CARNMT1: variants seen among roughly 807,000 people sequenced by gnomAD.
The protein encoded by CARNMT1 is carnosine N-methyltransferase 1.
A neutral mutation model predicts 49.6 loss-of-function variants in CARNMT1; 28 were observed. That is an observed-to-expected ratio of 0.56 (90% CI 0.42 to 0.77). The LOEUF (loss-of-function observed/expected upper bound fraction) is 0.77. Ranked by LOEUF, CARNMT1 falls within the 30% of genes least tolerant of loss-of-function variation. The pLI, the probability that CARNMT1 is intolerant of heterozygous loss-of-function variation, is 0.00. For synonymous variants in CARNMT1, 178 were observed against 175.0 expected (o/e 1.02, Z -0.13); for missense variants, 421 against 512.6 (o/e 0.82, Z 1.73).
At chr9:74,993,260 C>A (rs1041830911) in intron 6 of CARNMT1, among the ~76,000 whole-genome samples, 2 of 152,050 alleles carry the variant, frequency 1.3e-5, no homozygotes, top group African/African-American at 4.8e-5. Context: ...TAACCCAACC[C>A]GAAAGGATCA....
intron 3 of CARNMT1, among the ~76,000 whole-genome samples, chr9:75,003,542 T>A (rs1429110375): frequency 2.0e-5 from 3 of 152,260 alleles, no homozygotes; most frequent in Non-Finnish European, 4.4e-5. Context: ...GTTTGGCACT[T>A]CAAGAAAACA....
At chr9:75,005,533 C>T (rs145796639) in intron 3 of CARNMT1, among the ~76,000 whole-genome samples, 7,179 of 147,744 alleles carry the variant, frequency 0.049, 227 homozygotes, top group Middle Eastern at 0.099. Flanking sequence ...AGTGCAGTGG[C>T]GCAATCTCGG....
Position 75,025,558 on chromosome 9 carries a change from A to G in CARNMT1, c.230+2454T>C, listed in dbSNP as rs180959654. ...ATTTGTGTATATTTTATGGTAGTAA[A>G]TGATAAACTAGTATCTACACATATG... On this transcript the variant is annotated intron_variant, in intron 1 of 7. Coordinates refer to ENST00000376834, the MANE Select transcript of CARNMT1 (RefSeq NM_152420.3). Among the ~76,000 whole-genome samples the G allele has an allele frequency of 6.9e-3, 1,051 of 152,284 alleles. 12 individuals are homozygous for G. The highest frequency in any genetic ancestry group is 0.024 in the African/African-American group (992 of 41,534).
At position 74,981,437 on chromosome 9, in the gene CARNMT1, A is replaced by G. The variant is rs2118734998; in HGVS notation, c.*2330T>C. On this transcript the variant is annotated 3_prime_UTR_variant, in exon 8 of 8. Coordinates refer to ENST00000376834, the MANE Select transcript of CARNMT1 (RefSeq NM_152420.3). Reference sequence around the variant, plus strand: ...TTTAGTAGCTAGGACTAAAATTAAGAAATACAAAGCTAAATAAATCCTCCA... The same window carrying G: ...TTTAGTAGCTAGGACTAAAATTAAGGAATACAAAGCTAAATAAATCCTCCA... The G allele has an allele frequency of 6.6e-6, 1 of 152,306 alleles. No individual in the cohort carries two copies. Among genetic ancestry groups the G allele is most frequent in the Middle Eastern group, 3.4e-3 (1 of 294 alleles). The allele number at this position is 152,306 out of a possible 1,614,324, so 9.4% of individuals were successfully genotyped here.
intron 1 of CARNMT1, among the ~76,000 whole-genome samples, chr9:75,021,310 A>G (rs1822348066): frequency 6.8e-6 from 1 of 146,820 alleles, no homozygotes; most frequent in Non-Finnish European, 1.5e-5. Flanking sequence ...ACTACTATAT[A>G]CATACCATAT....
At chr9:75,001,914 T>TTTTTTAAA (rs1175048567) in intron 3 of CARNMT1, among the ~76,000 whole-genome samples, 1 of 152,184 alleles carries the variant, frequency 6.6e-6, no homozygotes, top group Non-Finnish European at 1.5e-5. Context: ...GCTGAATTTT[T>TTTTTTAAA]TTTTTAAAGC....
At chr9:75,024,011 G>A (rs1564108596) in intron 1 of CARNMT1, among the ~76,000 whole-genome samples, 1 of 152,152 alleles carries the variant, frequency 6.6e-6, no homozygotes, top group African/African-American at 2.4e-5. Flanking sequence ...TTTCCCCAAT[G>A]GTGGTATCTC....
chr9:75,006,962 T>C (rs1833528748), intron 3 of CARNMT1, among the ~76,000 whole-genome samples: 1 of 152,208 alleles, frequency 6.6e-6, no homozygotes, highest in African/African-American at 2.4e-5. Flanking sequence ...CATGATTCTA[T>C]AATCACTGAG....
intron 1 of CARNMT1, among the ~76,000 whole-genome samples, chr9:75,026,292 C>T (rs188828234): frequency 6.6e-6 from 1 of 152,238 alleles, no homozygotes; most frequent in African/African-American, 2.4e-5. Flanking sequence ...AACCCCTACC[C>T]CAACAAAGTC....
chr9:75,001,503 T>C (rs1209984478), intron 3 of CARNMT1, among the ~76,000 whole-genome samples: 2 of 152,158 alleles, frequency 1.3e-5, no homozygotes, highest in Non-Finnish European at 2.9e-5. Flanking sequence ...ATGAAGAATA[T>C]ATCAAAGTCC....
Position 74,998,598 on chromosome 9 carries a change from T to G in CARNMT1, c.910A>C (p.Asn304His), listed in dbSNP as rs780383477. 6.4e-7 allele frequency: 1 copy of G among 1,564,326 alleles called. No homozygotes were observed. The highest frequency in any genetic ancestry group is 8.6e-7 in the Non-Finnish European group (1 of 1,157,056). ...TTTTAAACGCTTGATTTGGACTTACTGCATTCTGAATAAATCTCTTGAAAA... is the reference window on the plus strand; with the variant it reads ...TTTTAAACGCTTGATTTGGACTTACGGCATTCTGAATAAATCTCTTGAAAA... The part of the protein sequence containing the change: ...GDFQEIYSEC[N>H]TWDCIATCFF... Residue 304 changes from asparagine to histidine, a missense_variant and splice_region_variant, in exon 5 of 8, where the codon AAT (asparagine) becomes CAT (histidine). Asn to His is a moderately conservative substitution (Grantham distance 68). Around this residue, in one of 2 missense-constraint regions of CARNMT1, gnomAD observed 235 missense variants for 344.8 expected, o/e 0.68. Transcript: ENST00000376834.
intron 5 of CARNMT1, 122 bp from the exon 6 acceptor site, chr9:74,996,682 C>T (rs965041444): frequency 1.7e-6 from 1 of 576,684 alleles, no homozygotes; most frequent in Non-Finnish European, 3.0e-6. Flanking sequence ...GATACAGAAG[C>T]TAAACTTCTG....
intron 3 of CARNMT1, chr9:75,016,036 C>A (rs2118854648): frequency 2.6e-6 from 1 of 377,778 alleles, no homozygotes; most frequent in Non-Finnish European, 4.7e-6. Flanking sequence ...TTCGACCTAA[C>A]CTTATTATTT....
intron 6 of CARNMT1, among the ~76,000 whole-genome samples, chr9:74,989,152 C>T (rs1386009893): frequency 6.6e-6 from 1 of 152,032 alleles, no homozygotes; most frequent in South Asian, 2.1e-4. Context: ...TGCTCTGTCA[C>T]CCAGGTTGAA....
intron 3 of CARNMT1, 137 bp from the exon 4 acceptor site, chr9:75,000,007 T>C (rs1205017632): frequency 7.6e-6 from 5 of 658,506 alleles, no homozygotes; most frequent in Non-Finnish European, 1.2e-5. Context: ...AATCAAGAAA[T>C]ACTTCTAAAT....
intron 6 of CARNMT1, among the ~76,000 whole-genome samples, chr9:74,985,803 C>T (rs1372492608): frequency 1.3e-5 from 2 of 152,190 alleles, no homozygotes; most frequent in African/African-American, 4.8e-5. Flanking sequence ...TGGTCTTGAA[C>T]TCCTGACCTC....
chr9:75,016,489 T>C (rs1833856653), intron 2 of CARNMT1, 58 bp from the exon 3 acceptor site: 6 of 1,547,542 alleles, frequency 3.9e-6, no homozygotes, highest in Non-Finnish European at 5.3e-6. Flanking sequence ...TATATTATGG[T>C]TAAATAGACA....
At chr9:74,994,904 C>T in intron 6 of CARNMT1, among the ~76,000 whole-genome samples, 1 of 152,110 alleles carries the variant, frequency 6.6e-6, no homozygotes, top group Non-Finnish European at 1.5e-5. Flanking sequence ...AACCAACATG[C>T]TCCATTACTT....
At position 75,016,354 on chromosome 9, in the gene CARNMT1, G is replaced by A; in HGVS notation, c.504C>T (p.Asp168=). The change falls in exon 3 of 8, where the codon GAC becomes GAT. Residue 168 remains aspartate (D), a synonymous_variant. Coordinates refer to ENST00000376834, the MANE Select transcript of CARNMT1 (RefSeq NM_152420.3). ...LKSTLKQFVR[D]WSETGKAERD... is the part of the protein sequence containing the mutation. ...TTTCTGCTTTCCCAGTTTCACTCCA[G>A]TCTCTCACAAACTGTTTCAGCGTGG... 3 of 1,613,994 alleles carry A rather than the reference G, an allele frequency of 1.9e-6. No individual in the cohort carries two copies. Among genetic ancestry groups the A allele is most frequent in the Non-Finnish European group, 2.5e-6 (3 of 1,179,916 alleles).
Sources: gnomAD v4.1 joint callset for allele counts (sites outside exome capture counted in the v4.1 genomes callset) on GRCh38, gnomAD v4.1.1 for gene constraint, gnomAD v4.1.1 regional missense constraint, MANE v1.5 for transcripts, NCBI Gene and HGNC (gene_info 2026-07-23, HGNC 2026-07-21) for gene names.